Variants in TNRC18 observed in about 807,000 individuals in gnomAD.
TNRC18 encodes the protein trinucleotide repeat containing 18.
TNRC18 carries 69 observed loss-of-function variants against 226.7 expected under a neutral mutation model. That is an observed-to-expected ratio of 0.30 (90% CI 0.25 to 0.37). TNRC18 has a LOEUF of 0.37. TNRC18 is among the 10% of genes least tolerant of loss of function. TNRC18 has a pLI of 1.00. For missense variants in TNRC18, 4,754 were observed against 4,256.6 expected (o/e 1.12, Z -3.25); for synonymous variants, 2,449 against 1,927.6 (o/e 1.27, Z -7.09).
At chr7:5,320,105 G>A (rs1788196066) in intron 24 of TNRC18, 1 of 553,140 alleles carries the variant, frequency 1.8e-6, no homozygotes, top group South Asian at 2.0e-5. Flanking sequence ...CAGCACAGAT[G>A]ACAGCACTGC....
chr7:5,340,020 A>T (rs139221727), intron 18 of TNRC18, among the ~76,000 whole-genome samples: 2 of 152,182 alleles, frequency 1.3e-5, no homozygotes, highest in Non-Finnish European at 2.9e-5. Flanking sequence ...ATAATCCTAC[A>T]ATGGCCTCTA....
Position 5,388,373 on chromosome 7 carries a change from C to A in TNRC18, c.1451G>T (p.Gly484Val), listed in dbSNP as rs1779981311. Residue 484 changes from glycine (G) to valine (V), a missense_variant, in exon 5 of 30, where the codon GGT becomes GTT. Coordinates refer to ENST00000430969, the MANE Select transcript of TNRC18 (RefSeq NM_001080495.3). The stretch of plus-strand genomic sequence containing the variant: ...CTTGGCGGCCTGTTGGGCTGCAGGA[C>A]CGGCTGGGCCGCGGGGCGCACGCTC... ...PCERAPRGPA[G>V]PAAQQAAKLF... 6 of 1,545,160 alleles carry A rather than the reference C, an allele frequency of 3.9e-6. No homozygotes were observed. Among genetic ancestry groups the A allele is most frequent in the African/African-American group, 1.4e-5 (1 of 71,528 alleles).
At chr7:5,365,877 C>T (rs1793566401) in intron 11 of TNRC18, among the ~76,000 whole-genome samples, 1 of 152,046 alleles carries the variant, frequency 6.6e-6, no homozygotes, top group Non-Finnish European at 1.5e-5. Context: ...CGAGACCAGC[C>T]TGACCAACAT....
rs1158109662 is a variant in TNRC18, at chr7:5,377,942, C to G, written c.2235G>C (p.Arg745=). Residue 745 remains arginine (R), a synonymous_variant, in exon 6 of 30, where the codon CGG becomes CGC. Coordinates refer to ENST00000430969, the MANE Select transcript of TNRC18 (RefSeq NM_001080495.3). The surrounding 1 kb of genome is among the most constrained non-coding windows in gnomAD (Gnocchi z 5.8). ...CTCACCTGAGCAGCTTCTCCTGATC[C>G]CGGTCCAGCCGTGCCCCGAGCAGCC... ...EERLLGARLD[R]DQEKLLRESK... 6.2e-7 allele frequency: 1 copy of G among 1,613,672 alleles called. No homozygotes were observed. Among genetic ancestry groups the G allele is most frequent in the South Asian group, 1.1e-5 (1 of 91,042 alleles).
intron 17 of TNRC18, among the ~76,000 whole-genome samples, chr7:5,348,790 G>A (rs1055527564): frequency 6.6e-6 from 1 of 152,128 alleles, no homozygotes; most frequent in Non-Finnish European, 1.5e-5. Flanking sequence ...CAGGCAGGCA[G>A]GCAGTGCACA....
At chr7:5,400,439 G>C (rs774069579) in intron 2 of TNRC18, among the ~76,000 whole-genome samples, 1 of 151,860 alleles carries the variant, frequency 6.6e-6, no homozygotes. Context: ...GTGAAACTCC[G>C]TCTCTATTTA....
rs143576098 is a variant in TNRC18, at chr7:5,342,660, A to G, written c.5719+2902T>C. ...AAAGAAAGTGGTTTCTTGAGATGGC[A>G]TCTACTCCTGGTGAAGATGCTGTGA... is the stretch of plus-strand genomic sequence containing the variant. On this transcript the variant is annotated intron_variant, in intron 18 of 29. Transcript: ENST00000430969. Among the ~76,000 whole-genome samples, 895 of 152,322 alleles carry G rather than the reference A, an allele frequency of 5.9e-3. 13 individuals are homozygous for G. The highest frequency in any genetic ancestry group is 0.02 in the African/African-American group (827 of 41,574).
At chr7:5,422,366 G>A (rs1217144852) in intron 1 of TNRC18, among the ~76,000 whole-genome samples, 2 of 124,062 alleles carry the variant, frequency 1.6e-5, no homozygotes, top group Non-Finnish European at 3.1e-5. Flanking sequence ...AACCTACAAA[G>A]AAAGCCTTTG....
chr7:5,397,285 G>C (rs947298161), intron 2 of TNRC18, among the ~76,000 whole-genome samples: 1 of 152,188 alleles, frequency 6.6e-6, no homozygotes, highest in Non-Finnish European at 1.5e-5. Context: ...CCAGCAGCCA[G>C]GGTTTGCGCA....
chr7:5,338,298 A>G (rs1361535231), intron 18 of TNRC18, among the ~76,000 whole-genome samples: 1 of 152,178 alleles, frequency 6.6e-6, no homozygotes, highest in African/African-American at 2.4e-5. Flanking sequence ...ACAAAAAACT[A>G]AAGACTAAGA....
chr7:5,375,219 G>A (rs1431293752), intron 9 of TNRC18, among the ~76,000 whole-genome samples: 1 of 152,224 alleles, frequency 6.6e-6, no homozygotes, highest in African/African-American at 2.4e-5. Flanking sequence ...TGAGGCAGGA[G>A]AATCGTTTGA....
At chr7:5,391,949 C>T (rs1311295910) in intron 3 of TNRC18, among the ~76,000 whole-genome samples, 3 of 151,442 alleles carry the variant, frequency 2.0e-5, no homozygotes, top group Non-Finnish European at 4.4e-5. Flanking sequence ...GATTCTCTGC[C>T]TAAGCCCAGA....
intron 8 of TNRC18, 24 bp from the exon 9 acceptor site, chr7:5,376,248 T>C (rs752083807): frequency 1.4e-6 from 2 of 1,449,078 alleles, no homozygotes; most frequent in Non-Finnish European, 1.8e-6. Flanking sequence ...GACAGTGCGC[T>C]GCACCTGCGG....
intron 29 of TNRC18, among the ~76,000 whole-genome samples, chr7:5,308,666 G>A (rs1202273296): frequency 2.0e-5 from 3 of 152,190 alleles, no homozygotes; most frequent in Non-Finnish European, 4.4e-5. Context: ...GACAGACACT[G>A]GGAGAGCAGA....
chr7:5,363,275 C>T (rs1793257886), intron 11 of TNRC18, among the ~76,000 whole-genome samples: 1 of 150,280 alleles, frequency 6.7e-6, no homozygotes, highest in East Asian at 2.0e-4. Flanking sequence ...CGCATGCCAG[C>T]CTGAGCAACA....
At chr7:5,362,057 G>A in intron 12 of TNRC18, 24 bp from the exon 13 acceptor site, 3 of 1,609,538 alleles carry the variant, frequency 1.9e-6, no homozygotes, top group East Asian at 2.2e-5. Flanking sequence ...CGGGAGAGGA[G>A]GAGGGGGTGA....
chr7:5,356,827 G>A lies in TNRC18; in HGVS notation c.5194+89C>T. 9 of 1,201,936 alleles carry A rather than the reference G, an allele frequency of 7.5e-6. 1 individual carries two copies. The highest frequency in any genetic ancestry group is 2.7e-5 in the East Asian group (1 of 36,978). The allele number at this position is 1,201,936 out of a possible 1,614,324, so 74.5% of individuals were successfully genotyped here. ...GAGCGAGAGCGAGAGAGAGAGTGAGGGGCGGGGGGGGAAGGAGGACGGTGG... is the reference window on the plus strand; with the variant it reads ...GAGCGAGAGCGAGAGAGAGAGTGAGAGGCGGGGGGGGAAGGAGGACGGTGG... On this transcript the variant is annotated intron_variant, in intron 16 of 29. Transcript: ENST00000430969.
intron 19 of TNRC18, among the ~76,000 whole-genome samples, chr7:5,330,324 G>C (rs1482927332): frequency 2.0e-5 from 3 of 151,952 alleles, no homozygotes; most frequent in Non-Finnish European, 4.4e-5. Flanking sequence ...TCACCTCCTG[G>C]GCTCAAGCAA....
chr7:5,394,366 G>A lies in TNRC18; in HGVS notation c.343+74C>T, dbSNP rs979542769. The A allele has an allele frequency of 2.8e-5, 39 of 1,376,764 alleles. 1 individual carries two copies. The Admixed American group carries it at 3.1e-4, about 11-fold the overall frequency. 85.3% of individuals were successfully genotyped at this position (1,376,764 alleles called of 1,614,324 possible). A position where few individuals can be genotyped will look rare whatever the true frequency, so the allele number is the denominator to read the frequency against. On this transcript the variant is annotated intron_variant, in intron 3 of 29. Coordinates refer to ENST00000430969, the MANE Select transcript of TNRC18 (RefSeq NM_001080495.3). The surrounding 1 kb of genome is among the most constrained non-coding windows in gnomAD (Gnocchi z 4.5). ...CCCAGCTCAGCGATGACAACAGAGG[G>A]GCACATGAAGTGGCCAGAGTGGCTG...
Sources: gnomAD v4.1 joint callset for allele counts (sites outside exome capture counted in the v4.1 genomes callset) on GRCh38, gnomAD v4.1.1 for gene constraint, Gnocchi (gnomAD v3.1) non-coding constraint, MANE v1.5 for transcripts, NCBI Gene and HGNC (gene_info 2026-07-23, HGNC 2026-07-21) for gene names.